TF: variants seen among roughly 807,000 people sequenced by gnomAD.
TF encodes the protein serotransferrin.
In TF, 55 loss-of-function variants were observed where a neutral mutation model predicts 82.4. The ratio of observed to expected loss-of-function variants is 0.67; its 90% CI spans 0.54 to 0.84. TF has a LOEUF of 0.84. Among genes scored for constraint, TF ranks in the 40% least tolerant of loss-of-function variants. The pLI, the probability that TF is intolerant of heterozygous loss-of-function variation, is 0.00. For synonymous variants in TF, 332 were observed against 332.6 expected (o/e 1.00, Z 0.02); for missense variants, 737 against 868.4 (o/e 0.85, Z 1.90).
chr3:133,764,495 T>G (rs1934076082), intron 10 of TF, among the ~76,000 whole-genome samples: 1 of 152,246 alleles, frequency 6.6e-6, no homozygotes, highest in South Asian at 2.1e-4. Context: ...ATGAAAGTTC[T>G]GCACTGGGAA....
intron 2 of TF, among the ~76,000 whole-genome samples, chr3:133,753,046 C>T (rs1418756343): frequency 6.6e-6 from 1 of 152,004 alleles, no homozygotes; most frequent in Non-Finnish European, 1.5e-5. Context: ...TTCAAGGTTC[C>T]CATCTTCCCC....
At chr3:133,707,328 C>A in the TF span, among the ~76,000 whole-genome samples, 1 of 152,090 alleles carries the variant, frequency 6.6e-6, no homozygotes, top group African/African-American at 2.4e-5. Flanking sequence ...TGTCATGGAC[C>A]GCAGTGTGGT....
intron 2 of TF, among the ~76,000 whole-genome samples, chr3:133,750,595 C>T (rs1229762823): frequency 6.6e-6 from 1 of 152,022 alleles, no homozygotes; most frequent in African/African-American, 2.4e-5. Context: ...GCGCAGGTTC[C>T]CCTGGGAACC....
chr3:133,787,604 G>A lies in TF; in HGVS notation c.*8984G>A, dbSNP rs1277503602. ...CTGATGGGAAATACTGTGTTTGCAA[G>A]TGGGATTGTTAAATCACCTCTGTGA... On this transcript the variant is annotated 3_prime_UTR_variant, in exon 17 of 17. Transcript: ENST00000402696. The A allele has an allele frequency of 6.6e-6, 1 of 152,202 alleles. No homozygotes were observed. 9.4% of individuals were successfully genotyped at this position (152,202 alleles called of 1,614,324 possible).
At chr3:133,765,001 G>A (rs184664450) in intron 11 of TF, 94 bp downstream of exon 11, 56 of 1,264,066 alleles carry the variant, frequency 4.4e-5, no homozygotes, top group Non-Finnish European at 6.1e-5. Flanking sequence ...ATAAGGTGCT[G>A]TAAGAGACCA....
the TF span, among the ~76,000 whole-genome samples, chr3:133,687,587 G>A: frequency 3.3e-5 from 5 of 151,982 alleles, no homozygotes; most frequent in African/African-American, 9.7e-5. Context: ...ACCCATTTTC[G>A]TCACCCCCTA....
At chr3:133,681,555 C>T in the TF span, among the ~76,000 whole-genome samples, 2 of 152,202 alleles carry the variant, frequency 1.3e-5, no homozygotes, top group African/African-American at 4.8e-5. Flanking sequence ...GAGATTATAT[C>T]CCACACATGG....
At chr3:133,767,979 T>A in intron 12 of TF, 50 bp from the exon 13 acceptor site, 1 of 1,612,758 alleles carries the variant, frequency 6.2e-7, no homozygotes. Flanking sequence ...AAATAAAAGC[T>A]GCTTGCATTG....
rs1364611603 is a variant in TF, at chr3:133,788,316, CT to C, written c.*9698del. ...TGACTTTGTAACTTTATTTCATCCTCTTCATTTACATAAGGCATATACCAAG... is the reference window on the plus strand; with the variant it reads ...TGACTTTGTAACTTTATTTCATCCTCTCATTTACATAAGGCATATACCAAG... On this transcript the variant is annotated 3_prime_UTR_variant, in exon 17 of 17. Coordinates refer to ENST00000402696, the MANE Select transcript of TF (RefSeq NM_001063.4). 6.6e-6 allele frequency: 1 copy of C among 152,210 alleles called. No homozygotes were observed. The highest frequency in any genetic ancestry group is 2.4e-5 in the African/African-American group (1 of 41,454). 9.4% of individuals were successfully genotyped at this position (152,210 alleles called of 1,614,324 possible). A position where few individuals can be genotyped will look rare whatever the true frequency, so the allele number is the denominator to read the frequency against.
At chr3:133,691,678 C>T in the TF span, 1 of 152,842 alleles carries the variant, frequency 6.5e-6, no homozygotes, top group African/African-American at 2.4e-5. Context: ...GAGTCTTTCT[C>T]AGAAGTGATG....
chr3:133,736,187 T>C, the TF span, among the ~76,000 whole-genome samples: 4 of 152,182 alleles, frequency 2.6e-5, no homozygotes, highest in African/African-American at 9.7e-5. Flanking sequence ...ACCCAGAATT[T>C]CATATCCAGC....
chr3:133,750,421 T>G (rs1365325555), intron 2 of TF, among the ~76,000 whole-genome samples: 2 of 151,396 alleles, frequency 1.3e-5, no homozygotes, highest in Admixed American at 6.6e-5. Flanking sequence ...AACATCCAGA[T>G]GCAGCCTGGC....
At chr3:133,679,570 T>A in the TF span, among the ~76,000 whole-genome samples, 1 of 49,386 alleles carries the variant, frequency 2.0e-5, no homozygotes, top group Admixed American at 2.2e-4. Flanking sequence ...TTTGTTTGGC[T>A]TTTTTTTTTT....
Position 133,770,467 on chromosome 3 carries a change from G to T in TF, c.1623-41G>T, listed in dbSNP as rs759368443. The T allele has an allele frequency of 5.6e-6, 9 of 1,606,694 alleles. No homozygotes were observed. The South Asian group carries it at 9.9e-5, about 18-fold the overall frequency. The stretch of plus-strand genomic sequence containing the variant: ...CCCTGAATGACAGATAAGTCACTCT[G>T]ACCGCCTTTTTTTTTCTCTCCCACT... On this transcript the variant is annotated intron_variant, in intron 13 of 16. Coordinates refer to ENST00000402696, the MANE Select transcript of TF (RefSeq NM_001063.4).
chr3:133,674,298 A>C, the TF span, among the ~76,000 whole-genome samples: 15 of 152,286 alleles, frequency 9.8e-5, no homozygotes, highest in South Asian at 1.9e-3. Context: ...CTGGGTTGTA[A>C]AGCGGCCAGA....
chr3:133,691,451 G>A, the TF span, among the ~76,000 whole-genome samples: 1 of 152,218 alleles, frequency 6.6e-6, no homozygotes, highest in Non-Finnish European at 1.5e-5. Context: ...ACATTCCAAA[G>A]GGGAGGACAA....
At chr3:133,694,026 G>A in the TF span, among the ~76,000 whole-genome samples, 9 of 152,144 alleles carry the variant, frequency 5.9e-5, no homozygotes, top group South Asian at 4.1e-4. Context: ...CACTCCCTCC[G>A]GCATGGGCAT....
the TF span, among the ~76,000 whole-genome samples, chr3:133,675,172 G>A: frequency 6.8e-6 from 1 of 147,950 alleles, no homozygotes. Flanking sequence ...TTGAACCCAG[G>A]AGAGGGAGGT....
In TF at chr3:133,778,598, C is replaced by G; in HGVS notation, c.2075C>G (p.Ala692Gly). The change falls in exon 17 of 17, where the codon GCC becomes GGC. Residue 692 changes from alanine (A) to glycine (G), a missense_variant. Ala to Gly is a moderately conservative substitution (Grantham distance 60). Transcript: ENST00000402696. Reference sequence around the variant, plus strand: ...CTCTGCTCCACAGCACTCCTGGAAGCCTGCACTTTCCGTAGACCTTAAAAT... The same window carrying G: ...CTCTGCTCCACAGCACTCCTGGAAGGCTGCACTTTCCGTAGACCTTAAAAT... ...RKCSTSSLLE[A>G]CTFRRP The G allele has an allele frequency of 6.2e-7, 1 of 1,613,282 alleles. No homozygotes were observed. The highest frequency in any genetic ancestry group is 1.7e-5 in the Admixed American group (1 of 60,008).
Sources: gnomAD v4.1 joint callset for allele counts (sites outside exome capture counted in the v4.1 genomes callset) on GRCh38, gnomAD v4.1.1 for gene constraint, MANE v1.5 for transcripts, NCBI Gene and HGNC (gene_info 2026-07-23, HGNC 2026-07-21) for gene names.